PEX16: variants seen among roughly 807,000 people sequenced by gnomAD.
PEX16 encodes peroxisomal biogenesis factor 16.
Under a neutral mutation model 50.5 loss-of-function variants are expected in PEX16, and 37 were observed. The observed-to-expected ratio is 0.73, with a 90% CI of 0.56 to 0.96. PEX16 has a LOEUF of 0.96. Ranked by LOEUF, PEX16 falls within the 40% of genes least tolerant of loss-of-function variation. The probability of loss-of-function intolerance (pLI) is 0.00; values close to 1 mark genes in which losing one functional copy is unlikely to be tolerated. For missense variants in PEX16, 401 were observed against 438.3 expected, an observed-to-expected ratio of 0.91 and a Z score of 0.76; for synonymous variants, 185 against 190.3, an observed-to-expected ratio of 0.97 and a Z score of 0.23.
upstream of PEX16, chr11:45,917,977 C>A: frequency 1.5e-6 from 1 of 689,368 alleles, no homozygotes; most frequent in Non-Finnish European, 2.6e-6. Context: ...CCACCCTTCA[C>A]CCCATCTCTT....
In PEX16 at chr11:45,909,943, G is replaced by A; in HGVS notation, c.*311C>T. The A allele has an allele frequency of 1.4e-6, 1 of 736,954 alleles. No individual in the cohort carries two copies. Among genetic ancestry groups the A allele is most frequent in the Non-Finnish European group, 2.4e-6 (1 of 424,448 alleles). The allele number at this position is 736,954 out of a possible 1,614,324, so 45.7% of individuals were successfully genotyped here. On this transcript the variant is annotated 3_prime_UTR_variant, in exon 11 of 11. Coordinates refer to ENST00000378750, the MANE Select transcript of PEX16 (RefSeq NM_004813.4). The stretch of plus-strand genomic sequence containing the variant: ...AGCAGCAGTGTTCGCTCCTATGGCT[G>A]CCGAGGCGAGCAGCTTCCCGGGCTC...
Position 45,915,773 on chromosome 11 carries a change from C to T in PEX16, c.289G>A (p.Glu97Lys). The T allele has an allele frequency of 6.2e-7, 1 of 1,613,948 alleles. No homozygotes were observed. The highest frequency in any genetic ancestry group is 8.5e-7 in the Non-Finnish European group (1 of 1,179,964). ...SVLECVEVFM[E>K]MGAAKVWGEV... ...CCCCACACCTTGGCAGCTCCCATCT[C>T]CATGAACACCTCCACGCACTCCAGC... Residue 97 changes from glutamate to lysine, a missense_variant, in exon 4 of 11, where the codon GAG becomes AAG. Physicochemically the swap from Glu to Lys is moderately conservative, Grantham distance 56. Coordinates refer to ENST00000378750, the MANE Select transcript of PEX16 (RefSeq NM_004813.4).
At chr11:45,910,385 A>C (rs1590793092) in intron 10 of PEX16, 73 bp from the exon 11 acceptor site, 1 of 1,277,632 alleles carries the variant, frequency 7.8e-7, no homozygotes. Context: ...ACAGCACCTC[A>C]CCCCTGCGGC....
intron 2 of PEX16, chr11:45,917,196 T>C (rs552334583): frequency 2.9e-6 from 2 of 696,596 alleles, no homozygotes; most frequent in South Asian, 1.5e-5. Context: ...TAGGGAGGAT[T>C]AACAAGTAAA....
chr11:45,912,342 C>CA (rs1314600206), intron 9 of PEX16, among the ~76,000 whole-genome samples: 4 of 151,034 alleles, frequency 2.6e-5, no homozygotes, highest in African/African-American at 9.7e-5. Flanking sequence ...ACTAAAAAAT[C>CA]AAAAAAAATT....
chr11:45,911,296 T>G (rs768759150), intron 9 of PEX16, among the ~76,000 whole-genome samples: 1 of 151,458 alleles, frequency 6.6e-6, no homozygotes, highest in African/African-American at 2.4e-5. Flanking sequence ...TGGTGGAGGG[T>G]CCAGGGAGGA....
chr11:45,915,698 C>T lies in PEX16; in HGVS notation c.359+5G>A. 6.2e-7 allele frequency: 1 copy of T among 1,614,122 alleles called. No homozygotes were observed. Among genetic ancestry groups the T allele is most frequent in the East Asian group, 2.2e-5 (1 of 44,860 alleles). On this transcript the variant is annotated splice_donor_5th_base_variant and intron_variant, in intron 4 of 10. Coordinates refer to ENST00000378750, the MANE Select transcript of PEX16 (RefSeq NM_004813.4). ...CCCAGGACCCTCTCCACAATCCCAA[C>T]CTACTTGGCCAGCTGGACGAGGGCG...
In PEX16 at chr11:45,916,393, A is replaced by G. The variant is rs1411509118; in HGVS notation, c.149-90T>C. 1.9e-5 allele frequency: 19 copies of G among 1,023,006 alleles called. 1 individual carries two copies. The Admixed American group carries it at 3.1e-4, about 17-fold the overall frequency. 63.4% of individuals were successfully genotyped at this position (1,023,006 alleles called of 1,614,324 possible). On this transcript the variant is annotated intron_variant, in intron 2 of 10. Coordinates refer to ENST00000378750, the MANE Select transcript of PEX16 (RefSeq NM_004813.4). ...CAGAGCTGCAGGGATCACCTGTCAC[A>G]TGCTCTGCTCAGACACCCACAGACT...
rs1337345104 is a variant in PEX16 at position 45,909,703 on chromosome 11, T to G, written c.*551A>C. The G allele has an allele frequency of 6.6e-6, 2 of 300,868 alleles. No individual in the cohort carries two copies. Among genetic ancestry groups the G allele is most frequent in the Non-Finnish European group, 1.3e-5 (2 of 156,412 alleles). The allele number at this position is 300,868 out of a possible 1,614,324, so 18.6% of individuals were successfully genotyped here. A position where few individuals can be genotyped will look rare whatever the true frequency, so the allele number is the denominator to read the frequency against. On this transcript the variant is annotated 3_prime_UTR_variant, in exon 11 of 11. Coordinates refer to ENST00000378750, the MANE Select transcript of PEX16 (RefSeq NM_004813.4). Reference sequence around the variant, plus strand: ...AAAGCCTTTTACTCTCAACCGAGGATGCAGGGCTTAAAGTGCCACTTGCGT... The same window carrying G: ...AAAGCCTTTTACTCTCAACCGAGGAGGCAGGGCTTAAAGTGCCACTTGCGT...
chr11:45,913,973 G>A, intron 8 of PEX16, 35 bp from the exon 9 acceptor site: 1 of 1,610,010 alleles, frequency 6.2e-7, no homozygotes, highest in South Asian at 1.1e-5. Context: ...AGGGCCAGGG[G>A]CATGATCTAG....
At chr11:45,917,934 G>C (rs1247406701), upstream of PEX16, 3 of 752,248 alleles carry the variant, frequency 4.0e-6, no homozygotes, top group Non-Finnish European at 6.9e-6. Context: ...ACTTCCGCGG[G>C]CCAGAAGGCT....
chr11:45,917,471 C>G lies in PEX16; in HGVS notation c.135G>C (p.Glu45Asp), dbSNP rs1167552693. The G allele has an allele frequency of 6.2e-7, 1 of 1,614,066 alleles. No individual in the cohort carries two copies. The highest frequency in any genetic ancestry group is 8.5e-7 in the Non-Finnish European group (1 of 1,179,998). The change falls in exon 2 of 11, where the codon GAG becomes GAC. Residue 45 changes from glutamate to aspartate, a missense_variant. Physicochemically the swap from Glu to Asp is conservative, Grantham distance 45 (BLOSUM62 2). Coordinates refer to ENST00000378750, the MANE Select transcript of PEX16 (RefSeq NM_004813.4). ...AGCCCGGCTCACCCAGCTCTGACAG[C>G]TCGTGCGAATCGGCGAATCGACCTG... ...LLAGRFADSHELSELVYSASN... is the reference protein window; with the variant it reads ...LLAGRFADSHDLSELVYSASN...
At chr11:45,915,673 C>A in intron 4 of PEX16, 30 bp downstream of exon 4, 1 of 1,613,814 alleles carries the variant, frequency 6.2e-7, no homozygotes, top group Non-Finnish European at 8.5e-7. Flanking sequence ...GTCACCCCCA[C>A]CCAGGACCCT....
upstream of PEX16, chr11:45,917,941 G>A (rs1194201752): frequency 6.8e-6 from 5 of 733,226 alleles, no homozygotes; most frequent in Admixed American, 6.0e-5. Context: ...CGGGCCAGAA[G>A]GCTGAGGACT....
intron 7 of PEX16, 56 bp from the exon 8 acceptor site, chr11:45,914,259 C>T: frequency 6.2e-7 from 1 of 1,613,496 alleles, no homozygotes; most frequent in Non-Finnish European, 8.5e-7. Flanking sequence ...TCAGCACACT[C>T]CCCACTCAAT....
At chr11:45,914,705 G>A (rs761274318) in intron 5 of PEX16, 21 bp from the exon 6 acceptor site, 55 of 1,602,330 alleles carry the variant, frequency 3.4e-5, no homozygotes, top group Non-Finnish European at 4.6e-5. Context: ...TAGACAGAAG[G>A]CCATACAGTC....
intron 6 of PEX16, 23 bp from the exon 7 acceptor site, chr11:45,914,491 G>A (rs751889301): frequency 1.6e-5 from 25 of 1,608,624 alleles, no homozygotes; most frequent in Non-Finnish European, 1.9e-5. Flanking sequence ...GGCGGCAGAT[G>A]AGCGAGCCAG....
chr11:45,917,478 G>A lies in PEX16; in HGVS notation c.128C>T (p.Ser43Leu). 1 of 1,614,042 alleles carries A rather than the reference G, an allele frequency of 6.2e-7. No homozygotes were observed. Among genetic ancestry groups the A allele is most frequent in the South Asian group, 1.1e-5 (1 of 91,082 alleles). Residue 43 changes from serine (S) to leucine (L), a missense_variant, in exon 2 of 11, where the codon TCG becomes TTG. Physicochemically the swap from Ser to Leu is moderately radical, Grantham distance 145. Coordinates refer to ENST00000378750, the MANE Select transcript of PEX16 (RefSeq NM_004813.4). ...CTCACCCAGCTCTGACAGCTCGTGC[G>A]AATCGGCGAATCGACCTGGGGAGAG... is the stretch of plus-strand genomic sequence containing the variant. ...SYLLAGRFAD[S>L]HELSELVYSA...
rs76730916 is a variant in PEX16 at position 45,911,211 on chromosome 11, C to T, written c.888-249G>A. ...CTGACCCACAACACCTCCTCCCATT[C>T]CTCTTTCCCCTTCCACCGACATCCA... On this transcript the variant is annotated intron_variant, in intron 9 of 10. Coordinates refer to ENST00000378750, the MANE Select transcript of PEX16 (RefSeq NM_004813.4). Among the ~76,000 whole-genome samples the T allele has an allele frequency of 0.019, 2,964 of 152,236 alleles. 99 individuals are homozygous for T. Among genetic ancestry groups the T allele is most frequent in the African/African-American group, 0.066 (2,754 of 41,530 alleles).
Sources: allele counts gnomAD v4.1 joint callset (sites outside exome capture counted in the v4.1 genomes callset), GRCh38; gene constraint gnomAD v4.1.1; transcripts MANE v1.5; gene names NCBI Gene and HGNC (gene_info 2026-07-23, HGNC 2026-07-21).